NTM: variants seen among roughly 807,000 people sequenced by gnomAD.
The protein encoded by NTM is neurotrimin.
Under a neutral mutation model 42.1 loss-of-function variants are expected in NTM, and 13 were observed. The ratio of observed to expected loss-of-function variants is 0.31; its 90% confidence interval spans 0.20 to 0.49. The LOEUF (loss-of-function observed/expected upper bound fraction) is 0.49. Among genes scored for constraint, NTM ranks in the 20% least tolerant of loss-of-function variants. NTM has a pLI of 0.99. For synonymous variants in NTM, 187 were observed against 179.2 expected, an observed-to-expected ratio of 1.04 and a Z score of -0.35; for missense variants, 373 against 452.8, an observed-to-expected ratio of 0.82 and a Z score of 1.60.
At chr11:131,423,941 C>T (rs1468940710) in intron 1 of NTM, among the ~76,000 whole-genome samples, 2 of 152,112 alleles carry the variant, frequency 1.3e-5, no homozygotes, top group Non-Finnish European at 2.9e-5. Context: ...TCCATTTCCC[C>T]GAGGCTTCTT....
intron 1 of NTM, among the ~76,000 whole-genome samples, chr11:131,460,890 C>T (rs774000888): frequency 6.6e-5 from 10 of 152,164 alleles, no homozygotes; most frequent in Non-Finnish European, 1.2e-4. Context: ...GAAATTCAGC[C>T]CTTGGCTGAG....
chr11:131,601,364 G>C (rs144783107), intron 1 of NTM, among the ~76,000 whole-genome samples: 2 of 152,012 alleles, frequency 1.3e-5, no homozygotes, highest in African/African-American at 4.8e-5. Context: ...GACCTCTCTG[G>C]GTCTCTCTGC....
intron 2 of NTM, among the ~76,000 whole-genome samples, chr11:132,015,199 C>T (rs1331825082): frequency 6.6e-6 from 1 of 151,704 alleles, no homozygotes; most frequent in Non-Finnish European, 1.5e-5. Context: ...ATCAGTTGGC[C>T]ATAAATGGGT....
Position 132,146,262 on chromosome 11 carries a change from C to A in NTM, c.168-20C>A, listed in dbSNP as rs749199928. The A allele has an allele frequency of 1.2e-6, 2 of 1,613,612 alleles. No homozygotes were observed. The highest frequency in any genetic ancestry group is 1.7e-5 in the Admixed American group (1 of 59,998). ...GTCGTCTCTCAGTCCCTTGACGTAC[C>A]TGTCTGGTCTTCCCTTCAGGTGCAC... On this transcript the variant is annotated intron_variant, in intron 2 of 8. Coordinates refer to ENST00000683400, the MANE Select transcript of NTM (RefSeq NM_001352005.2). This position sits in a 1 kb window ranked among gnomAD's most constrained non-coding sequence, Gnocchi z 4.5.
chr11:132,112,770 A>AGTCT (rs775971747), intron 2 of NTM, among the ~76,000 whole-genome samples: 32 of 150,906 alleles, frequency 2.1e-4, no homozygotes, highest in Admixed American at 4.0e-4. Context: ...TTACATGGCA[A>AGTCT]GTCTTCTGGA....
intron 2 of NTM, among the ~76,000 whole-genome samples, chr11:132,134,747 A>ATATCTATATCTATATC (rs1555277590): frequency 1.1e-5 from 1 of 89,680 alleles, no homozygotes; most frequent in African/African-American, 5.5e-5. Context: ...ATATATATAT[A>ATATCTATATCTATATC]TATATATATA....
chr11:131,544,183 A>T (rs2053631072), intron 1 of NTM, among the ~76,000 whole-genome samples: 1 of 152,212 alleles, frequency 6.6e-6, no homozygotes, highest in Admixed American at 6.5e-5. Context: ...GGGTTTCCAG[A>T]CATCTCTTTC....
At chr11:132,163,650 A>G (rs1280148516) in intron 3 of NTM, among the ~76,000 whole-genome samples, 1 of 152,174 alleles carries the variant, frequency 6.6e-6, no homozygotes, top group East Asian at 1.9e-4. Flanking sequence ...CTCAAACACT[A>G]AGCTTCCCCT....
chr11:132,315,119 G>A (rs1241210952), intron 7 of NTM: 2 of 983,364 alleles, frequency 2.0e-6, no homozygotes, highest in Non-Finnish European at 2.4e-6. Flanking sequence ...TAAGCTGACT[G>A]TGGGAATCAT....
At chr11:131,612,943 C>G (rs1284596120) in intron 1 of NTM, among the ~76,000 whole-genome samples, 1 of 152,190 alleles carries the variant, frequency 6.6e-6, no homozygotes. Flanking sequence ...ACAGTGCAGC[C>G]TCCCCTCATG....
intron 3 of NTM, among the ~76,000 whole-genome samples, chr11:132,150,749 G>A (rs1338075760): frequency 1.3e-5 from 2 of 152,094 alleles, no homozygotes; most frequent in Admixed American, 6.5e-5. Context: ...AGAGTTCGAG[G>A]GTTGGTTAAG....
rs1348890783 is a variant in NTM at position 132,003,032 on chromosome 11, G to C, written c.167+91384G>C. On this transcript the variant is annotated intron_variant, in intron 2 of 8. Transcript: ENST00000683400. This position sits in a 1 kb window ranked among gnomAD's most constrained non-coding sequence, Gnocchi z 6.0. ...CAGCTGATTTCTGGCTTAGAAGTTA[G>C]GGTTAGGAAAGTAACTAGTGAGCGC... Among the ~76,000 whole-genome samples, 1 of 152,162 alleles carries C rather than the reference G, an allele frequency of 6.6e-6. No homozygotes were observed. The highest frequency in any genetic ancestry group is 1.5e-5 in the Non-Finnish European group (1 of 68,020).
At chr11:131,581,031 G>A (rs562326440) in intron 1 of NTM, among the ~76,000 whole-genome samples, 6 of 152,304 alleles carry the variant, frequency 3.9e-5, no homozygotes, top group Admixed American at 3.3e-4. Flanking sequence ...GAGGCCCTGG[G>A]TTATTGCTAA....
At chr11:131,894,167 TG>T (rs1412329662) in intron 1 of NTM, among the ~76,000 whole-genome samples, 1 of 152,188 alleles carries the variant, frequency 6.6e-6, no homozygotes, top group Non-Finnish European at 1.5e-5. Context: ...CTGTGAGCAC[TG>T]GGGGCAATTG....
chr11:132,176,868 A>G (rs2076908636), intron 3 of NTM, among the ~76,000 whole-genome samples: 1 of 151,594 alleles, frequency 6.6e-6, no homozygotes, highest in African/African-American at 2.4e-5. Context: ...AGCCGGGATT[A>G]CAGGGGCCCA....
intron 2 of NTM, among the ~76,000 whole-genome samples, chr11:132,016,333 C>T (rs1228256758): frequency 6.6e-6 from 1 of 151,838 alleles, no homozygotes; most frequent in East Asian, 1.9e-4. Flanking sequence ...TTGTGGCTAC[C>T]CACAGTTAAC....
At chr11:132,169,890 C>G (rs1483274796) in intron 3 of NTM, among the ~76,000 whole-genome samples, 1 of 152,178 alleles carries the variant, frequency 6.6e-6, no homozygotes, top group Admixed American at 6.5e-5. Context: ...TCTTTCTCCT[C>G]AGTTATCCCA....
At chr11:132,010,115 C>T (rs992966234) in intron 2 of NTM, among the ~76,000 whole-genome samples, 3 of 152,216 alleles carry the variant, frequency 2.0e-5, no homozygotes, top group African/African-American at 7.2e-5. Context: ...CACTTATCCT[C>T]ACCACGGCTG....
chr11:132,124,363 C>G (rs759325945), intron 2 of NTM, among the ~76,000 whole-genome samples: 1 of 152,202 alleles, frequency 6.6e-6, no homozygotes, highest in Non-Finnish European at 1.5e-5. Flanking sequence ...CAGGGAGAGA[C>G]AGGCTCCAAA....
Sources: allele counts gnomAD v4.1 joint callset (sites outside exome capture counted in the v4.1 genomes callset), GRCh38; gene constraint gnomAD v4.1.1; non-coding constraint Gnocchi (gnomAD v3.1); transcripts MANE v1.5; gene names NCBI Gene and HGNC (gene_info 2026-07-23, HGNC 2026-07-21).